Variants in MROH7 observed in about 807,000 individuals in gnomAD.
The protein encoded by MROH7 is maestro heat-like repeat-containing protein family member 7.
A neutral mutation model predicts 129.2 loss-of-function variants in MROH7; 113 were observed. The observed-to-expected ratio is 0.87, with a 90% CI of 0.75 to 1.02. The LOEUF (loss-of-function observed/expected upper bound fraction) is 1.02, where lower values mean the gene tolerates loss of function less well. Among genes scored for constraint, MROH7 ranks in the 50% least tolerant of loss-of-function variants. MROH7 has a pLI of 0.00. For missense variants in MROH7, 1,601 were observed against 1,671.3 expected, an observed-to-expected ratio of 0.96 and a Z score of 0.73; for synonymous variants, 655 against 667.9, an observed-to-expected ratio of 0.98 and a Z score of 0.30.
intron 3 of MROH7, chr1:54,663,699 A>AAC: frequency 2.6e-6 from 1 of 388,686 alleles, no homozygotes. Flanking sequence ...AAAAAAAAAA[A>AAC]AACAAAAAAA....
chr1:54,676,468 G>A (rs191601342), intron 10 of MROH7, among the ~76,000 whole-genome samples: 12 of 152,088 alleles, frequency 7.9e-5, no homozygotes, highest in African/African-American at 2.7e-4. Context: ...GGATTGCAGT[G>A]GCACGATCTT....
chr1:54,693,182 A>G lies in MROH7; in HGVS notation c.2849+621A>G, dbSNP rs543410928. The stretch of plus-strand genomic sequence containing the variant: ...CACAGTTATCAACAATGCGTTTCTG[A>G]TATTTTGTGTCAGTTCTTTTGTTCT... On this transcript the variant is annotated intron_variant, in intron 16 of 23. Transcript: ENST00000421030. Among the ~76,000 whole-genome samples the G allele has an allele frequency of 2.0e-3, 303 of 152,260 alleles. 6 individuals are homozygous for G. Among genetic ancestry groups the G allele is most frequent in the Non-Finnish European group, 2.1e-3 (144 of 68,026 alleles).
chr1:54,686,442 C>A lies in MROH7; in HGVS notation c.2705C>A (p.Pro902His). 6.2e-7 allele frequency: 1 copy of A among 1,613,906 alleles called. No homozygotes were observed. Among genetic ancestry groups the A allele is most frequent in the South Asian group, 1.1e-5 (1 of 91,058 alleles). Reference sequence around the variant, plus strand: ...GGTGCACAGCCCTCTCCCTTCGTACCTGTGCGGTATGCTCTGCCCTCTCTC... The same window carrying A: ...GGTGCACAGCCCTCTCCCTTCGTACATGTGCGGTATGCTCTGCCCTCTCTC... ...KKGAQPSPFV[P>H]VRWVVKVVKT... The change falls in exon 15 of 24, where the codon CCT becomes CAT. Residue 902 changes from proline to histidine, a missense_variant. Pro to His is a moderately conservative substitution (Grantham distance 77). Transcript: ENST00000421030.
intron 18 of MROH7, 63 bp downstream of exon 18, chr1:54,700,524 T>A: frequency 6.7e-7 from 1 of 1,494,372 alleles, no homozygotes; most frequent in African/African-American, 1.4e-5. Flanking sequence ...AGGACAGAGC[T>A]TCACCATTAT....
chr1:54,671,483 C>T (rs1644903648), intron 7 of MROH7, among the ~76,000 whole-genome samples: 1 of 152,196 alleles, frequency 6.6e-6, no homozygotes, highest in South Asian at 2.1e-4. Context: ...ACGGTATGGC[C>T]AGGGGAAGCG....
rs182801178 is a variant in MROH7 at position 54,685,640 on chromosome 1, A to C, written c.2521-618A>C. On this transcript the variant is annotated intron_variant, in intron 14 of 23. Transcript: ENST00000421030. The stretch of plus-strand genomic sequence containing the variant: ...GATTGGCAGGTGGAGAAGTTGCCCC[A>C]GGTCACCAGCCCTTGGGGGCAGAGC... Among the ~76,000 whole-genome samples, 972 of 152,274 alleles carry C rather than the reference A, an allele frequency of 6.4e-3. 15 individuals are homozygous for C. The highest frequency in any genetic ancestry group is 0.023 in the African/African-American group (936 of 41,568).
chr1:54,704,258 C>T (rs1215699859), intron 21 of MROH7, among the ~76,000 whole-genome samples: 6 of 152,064 alleles, frequency 3.9e-5, no homozygotes, highest in Non-Finnish European at 5.9e-5. Flanking sequence ...AATTCAAATG[C>T]TCACAGTGGC....
intron 3 of MROH7, among the ~76,000 whole-genome samples, chr1:54,664,607 G>A (rs1291694714): frequency 1.3e-5 from 2 of 152,244 alleles, no homozygotes; most frequent in African/African-American, 4.8e-5. Flanking sequence ...GGGCACAGCC[G>A]ACCAGGCAGG....
intron 3 of MROH7, among the ~76,000 whole-genome samples, chr1:54,657,853 G>T (rs1300168675): frequency 6.6e-6 from 1 of 151,986 alleles, no homozygotes; most frequent in Non-Finnish European, 1.5e-5. Flanking sequence ...TAGAGATGGG[G>T]TTTTACCTTG....
At chr1:54,668,516 C>A (rs60595504) in intron 4 of MROH7, among the ~76,000 whole-genome samples, 5 of 152,048 alleles carry the variant, frequency 3.3e-5, no homozygotes. Context: ...TACTGGGAGA[C>A]CCATATGAAG....
chr1:54,676,286 G>A (rs959230944), intron 10 of MROH7, among the ~76,000 whole-genome samples: 1 of 152,072 alleles, frequency 6.6e-6, no homozygotes, highest in Non-Finnish European at 1.5e-5. Context: ...CATCCAGGCT[G>A]GAGTGCAGTG....
In MROH7 at chr1:54,701,150, AGGTGAAGGCCCTCCTGCCCTCCAT is replaced by A; in HGVS notation, c.3122_3145del (p.Ala1041_Lys1048del). The A allele has an allele frequency of 6.2e-7, 1 of 1,613,654 alleles. No homozygotes were observed. The highest frequency in any genetic ancestry group is 1.3e-5 in the African/African-American group (1 of 75,048). ...AATGCTCCTGCCCCACAGACCGCCA[AGGTGAAGGCCCTCCTGCCCTCCAT>A]GGTGAAGGGCCTGAAGAACATGGAT... is the stretch of plus-strand genomic sequence containing the variant. On this transcript the variant is annotated inframe_deletion, in exon 19 of 24. Coordinates refer to ENST00000421030, the MANE Select transcript of MROH7 (RefSeq NM_001039464.4).
At chr1:54,686,490 TG>T in intron 15 of MROH7, 42 bp downstream of exon 15, 2 of 1,569,466 alleles carry the variant, frequency 1.3e-6, no homozygotes, top group Non-Finnish European at 1.7e-6. Context: ...TCCCCGGTGG[TG>T]GGAAGGGCCA....
rs922242883 is a variant in MROH7, at chr1:54,703,644, G to A, written c.3564+899G>A. Among the ~76,000 whole-genome samples, 3 of 152,138 alleles carry A rather than the reference G, an allele frequency of 2.0e-5. No individual in the cohort carries two copies. Among genetic ancestry groups the A allele is most frequent in the Admixed American group, 6.5e-5 (1 of 15,290 alleles). ...GCAAGCCGCGTGCATGTGCGCGCGC[G>A]CATACACACACACACACAAGCACAA... On this transcript the variant is annotated intron_variant, in intron 21 of 23. Coordinates refer to ENST00000421030, the MANE Select transcript of MROH7 (RefSeq NM_001039464.4). This position sits in a 1 kb window ranked among gnomAD's most constrained non-coding sequence, Gnocchi z 4.4.
intron 10 of MROH7, among the ~76,000 whole-genome samples, chr1:54,677,430 C>T (rs991665628): frequency 6.6e-6 from 1 of 152,034 alleles, no homozygotes; most frequent in Non-Finnish European, 1.5e-5. Context: ...ACAAAACAAA[C>T]AAAACAAAAA....
intron 6 of MROH7, 64 bp from the exon 7 acceptor site, chr1:54,670,736 C>A: frequency 1.3e-6 from 2 of 1,589,758 alleles, no homozygotes; most frequent in Non-Finnish European, 8.6e-7. Flanking sequence ...CTCAGCTCAG[C>A]CCCCGTCTAT....
chr1:54,668,959 C>T, intron 5 of MROH7, 22 bp downstream of exon 5: 1 of 1,369,604 alleles, frequency 7.3e-7, no homozygotes, highest in Non-Finnish European at 1.0e-6. Flanking sequence ...ACAGGCGGGT[C>T]TGTGGCATTG....
rs1210651798 is a variant in MROH7, at chr1:54,695,458, C to T, written c.2932C>T (p.His978Tyr). ...IPLLERGDEK[H>Y]RITATAFFVE... ...GCTCCTGGAGCGAGGCGACGAGAAG[C>T]ACAGGATCACGGCCACCGCCTTCTT... The change falls in exon 17 of 24, where the codon CAC (histidine) becomes TAC (tyrosine). Residue 978 changes from histidine (H) to tyrosine (Y), a missense_variant. Coordinates refer to ENST00000421030, the MANE Select transcript of MROH7 (RefSeq NM_001039464.4). 2 of 1,613,888 alleles carry T rather than the reference C, an allele frequency of 1.2e-6. No individual in the cohort carries two copies. Among genetic ancestry groups the T allele is most frequent in the African/African-American group, 2.7e-5 (2 of 75,058 alleles).
At chr1:54,670,465 C>G (rs887506389) in intron 5 of MROH7, 32 bp from the exon 6 acceptor site, 2 of 1,602,874 alleles carry the variant, frequency 1.2e-6, no homozygotes. Flanking sequence ...GTAGCCCTGT[C>G]CTCATCGGCC....
Sources: gnomAD v4.1 joint callset for allele counts (sites outside exome capture counted in the v4.1 genomes callset) on GRCh38, gnomAD v4.1.1 for gene constraint, Gnocchi (gnomAD v3.1) non-coding constraint, MANE v1.5 for transcripts, NCBI Gene and HGNC (gene_info 2026-07-23, HGNC 2026-07-21) for gene names.